TGFB2: variants seen among roughly 807,000 people sequenced by gnomAD.
The protein encoded by TGFB2 is transforming growth factor beta-2 proprotein.
Under a neutral mutation model 42.7 loss-of-function variants are expected in TGFB2, and 13 were observed. The observed-to-expected ratio is 0.30, with a 90% CI of 0.20 to 0.48. The LOEUF (loss-of-function observed/expected upper bound fraction) is 0.48, where lower values mean the gene tolerates loss of function less well. Ranked by LOEUF, TGFB2 falls within the 20% of genes least tolerant of loss-of-function variation. The probability of loss-of-function intolerance (pLI) is 0.99; values close to 1 mark genes in which losing one functional copy is unlikely to be tolerated. For missense variants in TGFB2, 390 were observed against 517.5 expected, an observed-to-expected ratio of 0.75 and a Z score of 2.39; for synonymous variants, 193 against 193.6, an observed-to-expected ratio of 1.00 and a Z score of 0.03.
intron 1 of TGFB2, among the ~76,000 whole-genome samples, chr1:218,385,950 T>A (rs771758983): frequency 1.3e-5 from 2 of 152,156 alleles, no homozygotes; most frequent in Non-Finnish European, 2.9e-5. Context: ...ACTCCCATGG[T>A]TGCATTTTAA....
chr1:218,439,409 A>T (rs541744969), intron 6 of TGFB2, among the ~76,000 whole-genome samples: 56 of 152,318 alleles, frequency 3.7e-4, no homozygotes, highest in African/African-American at 1.2e-3. Flanking sequence ...TACTACATTC[A>T]GCTGAATTCA....
At chr1:218,367,291 G>T (rs534314297) in intron 1 of TGFB2, among the ~76,000 whole-genome samples, 54 of 152,258 alleles carry the variant, frequency 3.5e-4, no homozygotes, top group African/African-American at 1.1e-3. Flanking sequence ...ATGGGGTAAG[G>T]ACCTAGCAAA....
intron 1 of TGFB2, among the ~76,000 whole-genome samples, chr1:218,373,465 G>T (rs973067416): frequency 1.3e-5 from 2 of 151,462 alleles, no homozygotes; most frequent in Non-Finnish European, 2.9e-5. Context: ...AATATGATTA[G>T]TTATAATATG....
At chr1:218,375,680 C>CT (rs1307133542) in intron 1 of TGFB2, among the ~76,000 whole-genome samples, 2 of 151,766 alleles carry the variant, frequency 1.3e-5, no homozygotes, top group Admixed American at 6.6e-5. Flanking sequence ...ACAGCGAGTG[C>CT]TTTTTTTTCA....
intron 1 of TGFB2, among the ~76,000 whole-genome samples, chr1:218,361,904 G>A (rs1415501179): frequency 6.6e-6 from 1 of 152,212 alleles, no homozygotes; most frequent in Non-Finnish European, 1.5e-5. Flanking sequence ...AGCAGCATAT[G>A]GTGGCAACAT....
intron 1 of TGFB2, among the ~76,000 whole-genome samples, chr1:218,370,340 T>G (rs979953508): frequency 6.6e-6 from 1 of 152,212 alleles, no homozygotes; most frequent in African/African-American, 2.4e-5. Flanking sequence ...TTCATGTAAT[T>G]TCTTTCTCTG....
chr1:218,410,531 T>C (rs1200343737), intron 2 of TGFB2, among the ~76,000 whole-genome samples: 1 of 152,176 alleles, frequency 6.6e-6, no homozygotes, highest in Non-Finnish European at 1.5e-5. Context: ...AAATAGCATC[T>C]ACTGGTGTGA....
chr1:218,348,067 T>TAAAAAAAGA (rs917170531), intron 1 of TGFB2, among the ~76,000 whole-genome samples: 1 of 142,012 alleles, frequency 7.0e-6, no homozygotes, highest in Non-Finnish European at 1.5e-5. Context: ...TCAGAGTTCT[T>TAAAAAAAGA]AAAAAAAGAA....
chr1:218,401,017 T>G (rs1279828503), intron 1 of TGFB2, among the ~76,000 whole-genome samples: 1 of 152,076 alleles, frequency 6.6e-6, no homozygotes, highest in African/African-American at 2.4e-5. Flanking sequence ...AAGCATCAAT[T>G]CAAAAATAAA....
chr1:218,406,951 C>T (rs188583770), intron 2 of TGFB2, among the ~76,000 whole-genome samples: 1 of 152,236 alleles, frequency 6.6e-6, no homozygotes, highest in East Asian at 1.9e-4. Context: ...GCAGAAACCG[C>T]TAGTTTTTCT....
At chr1:218,406,950 G>T (rs1316528479) in intron 2 of TGFB2, among the ~76,000 whole-genome samples, 1 of 152,146 alleles carries the variant, frequency 6.6e-6, no homozygotes, top group African/African-American at 2.4e-5. Flanking sequence ...TGCAGAAACC[G>T]CTAGTTTTTC....
chr1:218,349,460 A>G (rs1030129714), intron 1 of TGFB2, among the ~76,000 whole-genome samples: 5 of 152,264 alleles, frequency 3.3e-5, no homozygotes, highest in African/African-American at 1.2e-4. Flanking sequence ...CTCAGCTGTC[A>G]CTGAAGTGGC....
intron 1 of TGFB2, among the ~76,000 whole-genome samples, chr1:218,402,339 A>G (rs1037957360): frequency 6.6e-6 from 1 of 152,228 alleles, no homozygotes; most frequent in Non-Finnish European, 1.5e-5. Context: ...CTGTTTGCCA[A>G]TGTATAGGAA....
intron 4 of TGFB2, 47 bp downstream of exon 4, chr1:218,434,495 T>C: frequency 1.7e-6 from 2 of 1,196,234 alleles, no homozygotes; most frequent in Non-Finnish European, 2.5e-6. Context: ...AGGGTCTATA[T>C]TGATAATCTC....
At chr1:218,396,505 T>G (rs920327651) in intron 1 of TGFB2, among the ~76,000 whole-genome samples, 2 of 151,832 alleles carry the variant, frequency 1.3e-5, no homozygotes, top group Non-Finnish European at 2.9e-5. Flanking sequence ...AGGTGTGATC[T>G]CTCACAACCT....
intron 1 of TGFB2, among the ~76,000 whole-genome samples, chr1:218,403,870 G>C (rs1658815036): frequency 6.6e-6 from 1 of 152,158 alleles, no homozygotes; most frequent in African/African-American, 2.4e-5. Flanking sequence ...ACTCTGGAAA[G>C]GGGAAAGAAA....
intron 2 of TGFB2, among the ~76,000 whole-genome samples, chr1:218,413,231 G>T (rs1241663649): frequency 1.3e-5 from 2 of 152,264 alleles, no homozygotes. Context: ...AAATTAGCTG[G>T]GCGCGGTGGC....
chr1:218,357,130 C>G (rs372579819), intron 1 of TGFB2, among the ~76,000 whole-genome samples: 56 of 151,256 alleles, frequency 3.7e-4, no homozygotes, highest in African/African-American at 1.3e-3. Flanking sequence ...GAGAATTGCT[C>G]GAACCCGGGA....
chr1:218,402,625 G>A (rs1658764188), intron 1 of TGFB2, among the ~76,000 whole-genome samples: 3 of 152,228 alleles, frequency 2.0e-5, no homozygotes, highest in African/African-American at 7.2e-5. Context: ...CTTGATGGAA[G>A]GATAAGATTG....
Sources: gnomAD v4.1 joint callset for allele counts (sites outside exome capture counted in the v4.1 genomes callset) on GRCh38, gnomAD v4.1.1 for gene constraint, MANE v1.5 for transcripts, NCBI Gene and HGNC (gene_info 2026-07-23, HGNC 2026-07-21) for gene names.